Variants in ODAD3 observed in about 807,000 individuals in gnomAD.
The protein encoded by ODAD3 is outer dynein arm-docking complex subunit 3.
In ODAD3, 57 loss-of-function variants were observed where a neutral mutation model predicts 70.9. The observed-to-expected ratio is 0.80, with a 90% CI of 0.65 to 1.00. The LOEUF is 1.00. Among genes scored for constraint, ODAD3 ranks in the 50% least tolerant of loss-of-function variants. ODAD3 has a pLI of 0.00. For missense variants in ODAD3, 797 were observed against 763.9 expected (o/e 1.04, Z -0.51); for synonymous variants, 327 against 315.9 (o/e 1.04, Z -0.37).
In ODAD3 at chr19:11,425,105, A is replaced by G. The variant is rs1050169869; in HGVS notation, c.963+1039T>C. Among the ~76,000 whole-genome samples the G allele has an allele frequency of 1.5e-4, 20 of 133,306 alleles. 1 individual carries two copies. Among genetic ancestry groups the G allele is most frequent in the East Asian group, 2.2e-4 (1 of 4,472 alleles). 87.5% of individuals were successfully genotyped at this position (133,306 alleles called of 152,430 possible). On this transcript the variant is annotated intron_variant, in intron 7 of 12. Transcript: ENST00000356392. ...TATATGTACATATGTGTATATATGT[A>G]TATATGTGTATATGTACATATGTGT...
At position 11,426,129 on chromosome 19, in the gene ODAD3, C is replaced by G. The variant is rs779019284; in HGVS notation, c.963+15G>C. On this transcript the variant is annotated intron_variant, in intron 7 of 12. Coordinates refer to ENST00000356392, the MANE Select transcript of ODAD3 (RefSeq NM_145045.5). ...TGGGCTGGAGTCACAGGCGCGCACC[C>G]CTGGGTGCGCCCACCTTGCGCTCCA... 8 of 1,601,750 alleles carry G rather than the reference C, an allele frequency of 5.0e-6. No homozygotes were observed. Among genetic ancestry groups the G allele is most frequent in the Admixed American group, 1.7e-5 (1 of 58,652 alleles).
intron 3 of ODAD3, among the ~76,000 whole-genome samples, chr19:11,429,122 G>A (rs1041594288): frequency 4.0e-5 from 6 of 150,356 alleles, no homozygotes; most frequent in Non-Finnish European, 8.9e-5. Context: ...CAGGTGATCC[G>A]CCCGCCTCAG....
At position 11,431,012 on chromosome 19, in the gene ODAD3, G is replaced by C; in HGVS notation, c.253C>G (p.Arg85Gly). The change falls in exon 2 of 13, where the codon CGG (arginine) becomes GGG (glycine). Residue 85 changes from arginine to glycine, a missense_variant. Physicochemically the swap from Arg to Gly is moderately radical, Grantham distance 125 (BLOSUM62 -2). Transcript: ENST00000356392. ...HKKIQLLEGD[R>G]KAFFESSQWN... ...TGAGAGCTCTCAAAAAAAGCCTTCCGGTCACCCTCTGGCAGGCAGGTGAGG... is the reference window on the plus strand; with the variant it reads ...TGAGAGCTCTCAAAAAAAGCCTTCCCGTCACCCTCTGGCAGGCAGGTGAGG... 1 of 1,614,010 alleles carries C rather than the reference G, an allele frequency of 6.2e-7. No homozygotes were observed. Among genetic ancestry groups the C allele is most frequent in the South Asian group, 1.1e-5 (1 of 91,068 alleles).
chr19:11,420,837 A>G lies in ODAD3; in HGVS notation c.1786T>C (p.Ter596GlnextTer57). ...HKKHRRSRRS[*>Q] ...GCCTGGTGGGTGTCAGGACGAGTCT[A>G]GGACCTCCGAGAGCGACGGTGCTTC... is the stretch of plus-strand genomic sequence containing the variant. Residue 596 changes from the stop codon to glutamine, a stop_lost, in exon 13 of 13, where the codon TAG becomes CAG. Transcript: ENST00000356392. 1 of 1,613,480 alleles carries G rather than the reference A, an allele frequency of 6.2e-7. No individual in the cohort carries two copies. Among genetic ancestry groups the G allele is most frequent in the East Asian group, 2.2e-5 (1 of 44,860 alleles).
intron 6 of ODAD3, 55 bp downstream of exon 6, chr19:11,426,391 A>ATCTGGGAGACCGCGGC (rs1198453477): frequency 6.2e-7 from 1 of 1,611,504 alleles, no homozygotes; most frequent in Admixed American, 1.7e-5. Context: ...TCAGATTCTC[A>ATCTGGGAGACCGCGGC]AGCTGGGAGA....
chr19:11,430,052 G>A (rs1026751945), intron 3 of ODAD3, among the ~76,000 whole-genome samples: 1 of 152,106 alleles, frequency 6.6e-6, no homozygotes, highest in African/African-American at 2.4e-5. Flanking sequence ...CCAGGCTGGA[G>A]CACAGTGGCA....
intron 8 of ODAD3, 80 bp downstream of exon 8, chr19:11,423,797 G>C: frequency 1.4e-6 from 2 of 1,457,362 alleles, no homozygotes; most frequent in Non-Finnish European, 1.9e-6. Flanking sequence ...GGGTGTGTCG[G>C]TTTCACCGGC....
At chr19:11,423,834 G>T in intron 8 of ODAD3, 43 bp downstream of exon 8, 5 of 1,407,422 alleles carry the variant, frequency 3.6e-6, no homozygotes, top group South Asian at 1.2e-5. Flanking sequence ...CCCGTCTGGG[G>T]TGGGGGGGGG....
At chr19:11,427,228 A>T (rs982453549) in intron 3 of ODAD3, among the ~76,000 whole-genome samples, 188 bp from the exon 4 acceptor site, 1 of 151,386 alleles carries the variant, frequency 6.6e-6, no homozygotes. Context: ...CTCTCTGTCT[A>T]TATCGACCAC....
chr19:11,421,874 C>A, intron 10 of ODAD3, 42 bp from the exon 11 acceptor site: 1 of 1,580,752 alleles, frequency 6.3e-7, no homozygotes, highest in Non-Finnish European at 8.6e-7. Context: ...AGGGGTGGGG[C>A]CTCTTGGAAG....
chr19:11,421,927 A>G (rs1466348645), intron 10 of ODAD3, 95 bp from the exon 11 acceptor site: 2 of 1,411,424 alleles, frequency 1.4e-6, no homozygotes, highest in Non-Finnish European at 1.9e-6. Flanking sequence ...GGCGGGGCCT[A>G]GGAGGTAAGG....
At chr19:11,424,583 AC>A (rs1969225737) in intron 7 of ODAD3, among the ~76,000 whole-genome samples, 1 of 136,758 alleles carries the variant, frequency 7.3e-6, no homozygotes, top group Non-Finnish European at 1.5e-5. Context: ...GTGTATATAT[AC>A]CTATGTGTAT....
chr19:11,426,257 G>A lies in ODAD3; in HGVS notation c.850C>T (p.Gln284Ter). The A allele has an allele frequency of 1.2e-6, 2 of 1,613,946 alleles. No homozygotes were observed. Among genetic ancestry groups the A allele is most frequent in the Non-Finnish European group, 1.7e-6 (2 of 1,179,948 alleles). The change falls in exon 7 of 13, where the codon CAG becomes TAG. Residue 284 changes from glutamine (Q) to a stop codon, truncating the protein, a stop_gained. Transcript: ENST00000356392. LOFTEE classifies it high-confidence loss of function. ...CGAACCAAGGTCTCCTCTAGGTACT[G>A]CAGCTGGTTCTGGAGGGCGGGCAGG... ...NARDIAKNQL[Q>*]YLEETLVRER...
chr19:11,434,700 C>T (rs929831696), intron 1 of ODAD3, 73 bp downstream of exon 1: 1 of 1,520,968 alleles, frequency 6.6e-7, no homozygotes, highest in Non-Finnish European at 8.9e-7. Context: ...TGGAGAAATA[C>T]CTTTGTCACA....
rs376844589 is a variant in ODAD3 at position 11,426,276 on chromosome 19, G to A, written c.841-10C>T. On this transcript the variant is annotated splice_polypyrimidine_tract_variant and intron_variant, in intron 6 of 12. Transcript: ENST00000356392. ...GGTACTGCAGCTGGTTCTGGAGGGC[G>A]GGCAGGGTAGCAGGGAGACCAGCTG... The A allele has an allele frequency of 8.1e-6, 13 of 1,613,632 alleles. No homozygotes were observed. The highest frequency in any genetic ancestry group is 1.3e-5 in the African/African-American group (1 of 75,012).
chr19:11,423,646 C>A (rs150591210), intron 8 of ODAD3, among the ~76,000 whole-genome samples: 1 of 152,166 alleles, frequency 6.6e-6, no homozygotes, highest in East Asian at 1.9e-4. Context: ...GTAGAAATGA[C>A]GGCGAGTGTA....
Position 11,435,056 on chromosome 19 carries a change from TA to T in ODAD3, c.-41del. On this transcript the variant is annotated 5_prime_UTR_variant, in exon 1 of 13. Transcript: ENST00000356392. Reference sequence around the variant, plus strand: ...TGAAGGCCCCTAGGGGTTAGGGGGATAACTAGGAGTCAGTCGCCCCTGTCAG... The same window carrying T: ...TGAAGGCCCCTAGGGGTTAGGGGGATACTAGGAGTCAGTCGCCCCTGTCAG... 2 of 1,560,694 alleles carry T rather than the reference TA, an allele frequency of 1.3e-6. No individual in the cohort carries two copies. The highest frequency in any genetic ancestry group is 1.7e-6 in the Non-Finnish European group (2 of 1,156,160).
chr19:11,430,021 G>A (rs748483037), intron 3 of ODAD3, among the ~76,000 whole-genome samples: 31 of 151,952 alleles, frequency 2.0e-4, no homozygotes, highest in Non-Finnish European at 2.8e-4. Flanking sequence ...TTTGTTTTGA[G>A]ACTGAGTCTC....
chr19:11,435,100 T>A lies in ODAD3; in HGVS notation c.-84A>T, dbSNP rs1969640231. The A allele has an allele frequency of 6.6e-7, 1 of 1,504,332 alleles. No homozygotes were observed. Among genetic ancestry groups the A allele is most frequent in the Non-Finnish European group, 8.8e-7 (1 of 1,133,986 alleles). 93.2% of individuals were successfully genotyped at this position (1,504,332 alleles called of 1,614,324 possible). ...CCTGTCAGGGATCCGTCAGCTCGGA[T>A]TCCTAGGGCTCTGAAAAATGCACTT... On this transcript the variant is annotated 5_prime_UTR_variant, in exon 1 of 13. Coordinates refer to ENST00000356392, the MANE Select transcript of ODAD3 (RefSeq NM_145045.5).
Sources: gnomAD v4.1 joint callset for allele counts (sites outside exome capture counted in the v4.1 genomes callset) on GRCh38, gnomAD v4.1.1 for gene constraint, MANE v1.5 for transcripts, NCBI Gene and HGNC (gene_info 2026-07-23, HGNC 2026-07-21) for gene names.